Variants in TSC22D1 observed in about 807,000 individuals in gnomAD.
TSC22D1 encodes the protein TSC22 domain family protein 1.
A neutral mutation model predicts 74.2 loss-of-function variants in TSC22D1; 9 were observed. The observed-to-expected ratio is 0.12, with a 90% CI of 0.07 to 0.21. The LOEUF (loss-of-function observed/expected upper bound fraction) is 0.21. Ranked by LOEUF, TSC22D1 falls within the 10% of genes least tolerant of loss-of-function variation. TSC22D1 has a pLI of 1.00. For missense variants in TSC22D1, 1,427 were observed against 1,304.7 expected, an observed-to-expected ratio of 1.09 and a Z score of -1.44; for synonymous variants, 586 against 492.5, an observed-to-expected ratio of 1.19 and a Z score of -2.51.
chr13:44,439,635 TTTCAGGCACTGAGCAAAGATCAG>T (rs1406708164), intron 1 of TSC22D1, among the ~76,000 whole-genome samples: 16 of 152,354 alleles, frequency 1.1e-4, no homozygotes, highest in African/African-American at 3.8e-4. Flanking sequence ...TATAAGTCTA[TTTCAGGCACTGAGCAAAGATCAG>T]GAGGTATCAC....
intron 1 of TSC22D1, among the ~76,000 whole-genome samples, chr13:44,464,011 G>A (rs1169648821): frequency 6.6e-6 from 1 of 152,172 alleles, no homozygotes; most frequent in Non-Finnish European, 1.5e-5. Flanking sequence ...CGGCCCCAGT[G>A]TCAAGTCTTG....
intron 1 of TSC22D1, among the ~76,000 whole-genome samples, chr13:44,443,306 A>G (rs1456000268): frequency 7.0e-6 from 1 of 143,636 alleles, no homozygotes; most frequent in East Asian, 2.0e-4. Context: ...TCTTTAACTG[A>G]AAGAAAAAAA....
intron 1 of TSC22D1, among the ~76,000 whole-genome samples, chr13:44,507,324 A>C (rs1197851079): frequency 1.3e-5 from 2 of 152,182 alleles, no homozygotes; most frequent in African/African-American, 4.8e-5. Flanking sequence ...GTTCAAAATG[A>C]GGAAGGCTCA....
At chr13:44,465,355 C>A (rs556634706) in intron 1 of TSC22D1, among the ~76,000 whole-genome samples, 12 of 152,204 alleles carry the variant, frequency 7.9e-5, no homozygotes, top group Non-Finnish European at 1.5e-4. Context: ...CTGAAGCATT[C>A]CTTTTTCTAA....
In TSC22D1 at chr13:44,433,332, T is replaced by C. The variant is rs1055695013; in HGVS notation, c.*1294A>G. ...AGAATTGAGCTGGACTCCTCCACTGTCTCTTCTCTTACCTGCTGAACAACT... is the reference window on the plus strand; with the variant it reads ...AGAATTGAGCTGGACTCCTCCACTGCCTCTTCTCTTACCTGCTGAACAACT... On this transcript the variant is annotated 3_prime_UTR_variant, in exon 3 of 3. Transcript: ENST00000458659. 3.3e-5 allele frequency: 5 copies of C among 152,422 alleles called. No homozygotes were observed. The highest frequency in any genetic ancestry group is 1.2e-4 in the African/African-American group (5 of 41,462). 9.4% of individuals were successfully genotyped at this position (152,422 alleles called of 1,614,324 possible).
intron 1 of TSC22D1, among the ~76,000 whole-genome samples, chr13:44,442,042 C>G (rs1265395429): frequency 1.3e-5 from 2 of 152,166 alleles, no homozygotes; most frequent in Admixed American, 6.5e-5. Context: ...AGTATACTGC[C>G]TAAGTCTCCT....
intron 1 of TSC22D1, among the ~76,000 whole-genome samples, chr13:44,439,193 C>G (rs1482224530): frequency 6.6e-6 from 1 of 152,168 alleles, no homozygotes; most frequent in Non-Finnish European, 1.5e-5. Context: ...ATTGTTAATA[C>G]TTGGATATTT....
chr13:44,510,252 C>T (rs1191472239), intron 1 of TSC22D1, among the ~76,000 whole-genome samples: 2 of 151,384 alleles, frequency 1.3e-5, no homozygotes, highest in African/African-American at 4.8e-5. Context: ...ATTAGCCGGG[C>T]GTGGTGGCGC....
Position 44,454,197 on chromosome 13 carries a change from T to C in TSC22D1, c.2913-18102A>G, listed in dbSNP as rs554182129. ...AAAACTTTGGCTTTAATACATTAGATTGGGGGAGGGGGACAGCAGGGGAAG... is the reference window on the plus strand; with the variant it reads ...AAAACTTTGGCTTTAATACATTAGACTGGGGGAGGGGGACAGCAGGGGAAG... On this transcript the variant is annotated intron_variant, in intron 1 of 2. Coordinates refer to ENST00000458659, the MANE Select transcript of TSC22D1 (RefSeq NM_183422.4). Among the ~76,000 whole-genome samples the C allele has an allele frequency of 2.0e-5, 3 of 152,172 alleles. No individual in the cohort carries two copies. In the South Asian group the frequency reaches 6.2e-4, roughly 32 times the overall value.
In TSC22D1 at chr13:44,574,242, A is replaced by C; in HGVS notation, c.1833T>G (p.Ala611=). 6.2e-7 allele frequency: 1 copy of C among 1,614,184 alleles called. No homozygotes were observed. The highest frequency in any genetic ancestry group is 1.1e-5 in the South Asian group (1 of 91,084). Residue 611 remains alanine, a synonymous_variant, in exon 1 of 3, where the codon GCT becomes GCG. Transcript: ENST00000458659. ...AQPQLPYSQA[A]PPVQTPLPGA... Reference sequence around the variant, plus strand: ...CTGGAAGGGGAGTTTGCACTGGAGGAGCCGCCTGAGAATATGGTAGCTGGG... The same window carrying C: ...CTGGAAGGGGAGTTTGCACTGGAGGCGCCGCCTGAGAATATGGTAGCTGGG...
chr13:44,444,278 C>CAAAAAAAAAAAAA (rs71070905), intron 1 of TSC22D1, among the ~76,000 whole-genome samples: 6 of 17,584 alleles, frequency 3.4e-4, no homozygotes, highest in Non-Finnish European at 3.8e-4. Flanking sequence ...GACTCTGTCT[C>CAAAAAAAAAAAAA]AAAAAAAAAA....
chr13:44,437,305 G>C, intron 1 of TSC22D1: 1 of 970,852 alleles, frequency 1.0e-6, no homozygotes, highest in Non-Finnish European at 1.2e-6. Context: ...AAGACTTCGA[G>C]TGTCTTGATT....
At chr13:44,529,782 A>C (rs995686923) in intron 1 of TSC22D1, among the ~76,000 whole-genome samples, 4 of 152,156 alleles carry the variant, frequency 2.6e-5, no homozygotes, top group African/African-American at 9.6e-5. Context: ...ATACACCAGC[A>C]ATGAACAATT....
intron 1 of TSC22D1, among the ~76,000 whole-genome samples, chr13:44,517,325 AAAAAC>A (rs1041429572): frequency 7.8e-6 from 1 of 128,952 alleles, no homozygotes; most frequent in African/African-American, 2.8e-5. Flanking sequence ...CCGTAAAAAC[AAAAAC>A]AAAACACACA....
rs377195703 is a variant in TSC22D1, at chr13:44,560,252, A to C, written c.2912+12911T>G. ...TGAGCCCACCCTGGGCAACATGGTGAAACCTCGTCTCTTTTTAAAAAAATA... is the reference window on the plus strand; with the variant it reads ...TGAGCCCACCCTGGGCAACATGGTGCAACCTCGTCTCTTTTTAAAAAAATA... On this transcript the variant is annotated intron_variant, in intron 1 of 2. Transcript: ENST00000458659. Among the ~76,000 whole-genome samples, 63 of 152,238 alleles carry C rather than the reference A, an allele frequency of 4.1e-4. 1 individual carries two copies. In the East Asian group the frequency reaches 8.3e-3, roughly 20 times the overall value.
At chr13:44,550,771 C>G (rs1014471446) in intron 1 of TSC22D1, among the ~76,000 whole-genome samples, 2 of 151,706 alleles carry the variant, frequency 1.3e-5, no homozygotes, top group Non-Finnish European at 2.9e-5. Context: ...TAGTGAGACT[C>G]CATCTCTACA....
rs1397867782 is a variant in TSC22D1, at chr13:44,434,569, ATCT to A, written c.*54_*56del. The A allele has an allele frequency of 1.6e-5, 24 of 1,492,438 alleles. No homozygotes were observed. The highest frequency in any genetic ancestry group is 5.7e-5 in the South Asian group (4 of 70,410). The allele number at this position is 1,492,438 out of a possible 1,614,324, so 92.4% of individuals were successfully genotyped here. Reference sequence around the variant, plus strand: ...TGTGGAGGCAGATTCTCCCTAGCACATCTTCTCCGTCTGTTCAGTTCACACGCA... The same window carrying A: ...TGTGGAGGCAGATTCTCCCTAGCACATCTCCGTCTGTTCAGTTCACACGCA... On this transcript the variant is annotated 3_prime_UTR_variant, in exon 3 of 3. Transcript: ENST00000458659.
At chr13:44,444,278 CAAAAAAAAAAAAAAA>C (rs71070905) in intron 1 of TSC22D1, among the ~76,000 whole-genome samples, 8 of 17,582 alleles carry the variant, frequency 4.6e-4, no homozygotes, top group African/African-American at 1.4e-3. Context: ...GACTCTGTCT[CAAAAAAAAAAAAAAA>C]AAAAAAAAAA....
At chr13:44,436,872 C>T (rs1874710631) in intron 1 of TSC22D1, 2 of 1,212,152 alleles carry the variant, frequency 1.6e-6, no homozygotes, top group Admixed American at 4.2e-5. Flanking sequence ...GACTCCCAGT[C>T]TTAGTGCAAA....
Sources: allele counts gnomAD v4.1 joint callset (sites outside exome capture counted in the v4.1 genomes callset), GRCh38; gene constraint gnomAD v4.1.1; transcripts MANE v1.5; gene names NCBI Gene and HGNC (gene_info 2026-07-23, HGNC 2026-07-21).